Variants in GPR161 observed in about 807,000 individuals in gnomAD.
GPR161 encodes the protein G protein-coupled receptor 161, also known as G-protein coupled receptor RE2.
GPR161 carries 25 observed loss-of-function variants against 39.2 expected under a neutral mutation model. The observed-to-expected ratio is 0.64, with a 90% CI of 0.47 to 0.89. The LOEUF (loss-of-function observed/expected upper bound fraction) is 0.89, where lower values mean the gene tolerates loss of function less well. Among genes scored for constraint, GPR161 ranks in the 40% least tolerant of loss-of-function variants. The pLI is 0.00. For missense variants in GPR161, 547 were observed against 677.8 expected (o/e 0.81, Z 2.14); for synonymous variants, 286 against 276.6 (o/e 1.03, Z -0.34).
At chr1:168,085,959 C>T (rs937500587) in intron 5 of GPR161, among the ~76,000 whole-genome samples, 163 bp from the exon 6 acceptor site, 4 of 152,218 alleles carry the variant, frequency 2.6e-5, no homozygotes, top group Admixed American at 6.5e-5. Context: ...GACTCCCTGA[C>T]TTCCTACCTG....
At chr1:168,117,381 C>G (rs746349604) in intron 1 of GPR161, among the ~76,000 whole-genome samples, 1 of 152,148 alleles carries the variant, frequency 6.6e-6, no homozygotes, top group Non-Finnish European at 1.5e-5. Context: ...GACTTCTCCC[C>G]CTTTTTAAAG....
At chr1:168,097,700 C>T (rs3767475) in intron 2 of GPR161, among the ~76,000 whole-genome samples, 9,498 of 152,162 alleles carry the variant, frequency 0.062, 854 homozygotes, top group African/African-American at 0.2. Context: ...TGCCAAGCAC[C>T]GCGCTACCTC....
chr1:168,135,153 G>A, intron 1 of GPR161: 6 of 1,290,644 alleles, frequency 4.6e-6, no homozygotes, highest in Non-Finnish European at 5.1e-6. Context: ...TGGAGCTACA[G>A]GGCAGGGAGA....
At position 168,089,022 on chromosome 1, in the gene GPR161, C is replaced by T. The variant is rs560927295; in HGVS notation, c.1205-1318G>A. On this transcript the variant is annotated intron_variant, in intron 4 of 5. Transcript: ENST00000682931. ...GAGATGTAATTCACATGCCATGTAA[C>T]TGACTCATTTAAAGTATACAATTCA... 24 of 152,276 alleles carry T rather than the reference C, an allele frequency of 1.6e-4. No homozygotes were observed. The East Asian group carries it at 4.1e-3, about 26-fold the overall frequency. 9.4% of individuals were successfully genotyped at this position (152,276 alleles called of 1,614,324 possible).
chr1:168,128,785 C>A (rs1287610928), intron 1 of GPR161, among the ~76,000 whole-genome samples: 6 of 152,146 alleles, frequency 3.9e-5, no homozygotes, highest in Non-Finnish European at 8.8e-5. Flanking sequence ...TTTTAAATAG[C>A]TGAAAGGAGT....
chr1:168,136,336 T>C, intron 1 of GPR161: 1 of 1,480,268 alleles, frequency 6.8e-7, no homozygotes, highest in African/African-American at 1.4e-5. Context: ...TGGAGTCTCT[T>C]GGCCCCAGGG....
At chr1:168,096,414 G>C in intron 3 of GPR161, 94 bp downstream of exon 3, 2 of 1,275,412 alleles carry the variant, frequency 1.6e-6, no homozygotes, top group Non-Finnish European at 2.2e-6. Context: ...CCGCCAGTCA[G>C]CCTGAGAACT....
Position 168,085,633 on chromosome 1 carries a change from C to T in GPR161, c.1488G>A (p.Gly496=). ...GVLVTARTVP[G]GGFGGRRGSR... is the part of the protein sequence containing the mutation. Reference sequence around the variant, plus strand: ...TGCCTCGGCGGCCCCCGAAGCCGCCCCCCGGGACAGTCCGTGCTGTAACCA... The same window carrying T: ...TGCCTCGGCGGCCCCCGAAGCCGCCTCCCGGGACAGTCCGTGCTGTAACCA... The change falls in exon 6 of 6, where the codon GGG becomes GGA. Residue 496 remains glycine, a synonymous_variant. Transcript: ENST00000682931. The T allele has an allele frequency of 6.2e-7, 1 of 1,614,110 alleles. No individual in the cohort carries two copies. The highest frequency in any genetic ancestry group is 8.5e-7 in the Non-Finnish European group (1 of 1,179,988).
intron 1 of GPR161, among the ~76,000 whole-genome samples, chr1:168,113,870 T>C (rs1050536989): frequency 2.0e-5 from 3 of 152,130 alleles, no homozygotes; most frequent in South Asian, 4.1e-4. Context: ...AAAATAACTA[T>C]TAGGTACTAG....
intron 4 of GPR161, chr1:168,088,552 G>T (rs1282571472): frequency 6.6e-6 from 1 of 152,176 alleles, no homozygotes; most frequent in African/African-American, 2.4e-5. Flanking sequence ...GGCTTGGGTC[G>T]GACAGACCTA....
intron 3 of GPR161, among the ~76,000 whole-genome samples, chr1:168,091,327 C>T (rs911590509): frequency 1.3e-5 from 2 of 152,270 alleles, no homozygotes; most frequent in Non-Finnish European, 1.5e-5. Context: ...GGCACAGCCG[C>T]GGCAGAAGCG....
rs1200951904 is a variant in GPR161, at chr1:168,084,519, C to T, written c.*1012G>A. On this transcript the variant is annotated 3_prime_UTR_variant, in exon 6 of 6. Coordinates refer to ENST00000682931, the MANE Select transcript of GPR161 (RefSeq NM_001375883.1). ...ATAACCCAGGTTGCTGGCTGTGGGT[C>T]CAGGGCTGCTTCTATCTTATTTATA... The T allele has an allele frequency of 8.9e-6, 3 of 338,042 alleles. No homozygotes were observed. Among genetic ancestry groups the T allele is most frequent in the Non-Finnish European group, 1.7e-5 (3 of 174,488 alleles). 20.9% of individuals were successfully genotyped at this position (338,042 alleles called of 1,614,324 possible). A position where few individuals can be genotyped will look rare whatever the true frequency, so the allele number is the denominator to read the frequency against.
At chr1:168,092,680 G>C (rs1695176873) in intron 3 of GPR161, among the ~76,000 whole-genome samples, 1 of 152,142 alleles carries the variant, frequency 6.6e-6, no homozygotes, top group Non-Finnish European at 1.5e-5. Context: ...TAAATTTGCA[G>C]GTACTTTGAG....
upstream of GPR161, chr1:168,137,285 T>G (rs1572409966): frequency 6.6e-7 from 1 of 1,514,976 alleles, no homozygotes; most frequent in Non-Finnish European, 8.8e-7. Flanking sequence ...CATGTCTCTC[T>G]CCATCACACA....
intron 1 of GPR161, among the ~76,000 whole-genome samples, chr1:168,118,992 C>A (rs768341984): frequency 6.6e-6 from 1 of 151,380 alleles, no homozygotes; most frequent in Non-Finnish European, 1.5e-5. Context: ...TTGGCAGGGA[C>A]GTAAAATGGT....
At chr1:168,088,711 T>C (rs1201141049) in intron 4 of GPR161, 7 of 152,392 alleles carry the variant, frequency 4.6e-5, no homozygotes, top group African/African-American at 1.7e-4. Context: ...AGGGGCTAAA[T>C]TGAGGGCCAT....
intron 2 of GPR161, among the ~76,000 whole-genome samples, chr1:168,104,206 A>T (rs910226659): frequency 6.6e-6 from 1 of 152,208 alleles, no homozygotes; most frequent in South Asian, 2.1e-4. Flanking sequence ...CGGCTTCTTC[A>T]TCTACAAACC....
Position 168,081,781 on chromosome 1 carries a change from C to T in GPR161, c.*3750G>A, listed in dbSNP as rs1694090340. 1.3e-5 allele frequency: 2 copies of T among 152,400 alleles called. No homozygotes were observed. The highest frequency in any genetic ancestry group is 6.5e-5 in the Admixed American group (1 of 15,292). The allele number at this position is 152,400 out of a possible 1,614,324, so 9.4% of individuals were successfully genotyped here. A position where few individuals can be genotyped will look rare whatever the true frequency, so the allele number is the denominator to read the frequency against. ...TGGAAGTACCTAACACAGCACCTAG[C>T]ACATCATAGGCCCTCAAATGTCAAA... On this transcript the variant is annotated 3_prime_UTR_variant, in exon 6 of 6. Transcript: ENST00000682931.
intron 2 of GPR161, among the ~76,000 whole-genome samples, chr1:168,100,739 G>A (rs1696020026): frequency 6.6e-6 from 1 of 152,198 alleles, no homozygotes; most frequent in African/African-American, 2.4e-5. Context: ...AGTCATCTTT[G>A]CTAGCCCTAT....
Sources: gnomAD v4.1 joint callset for allele counts (sites outside exome capture counted in the v4.1 genomes callset) on GRCh38, gnomAD v4.1.1 for gene constraint, MANE v1.5 for transcripts, NCBI Gene and HGNC (gene_info 2026-07-23, HGNC 2026-07-21) for gene names.